WDR72: variants seen among roughly 807,000 people sequenced by gnomAD.
The protein encoded by WDR72 is WD repeat domain 72.
WDR72 carries 120 observed loss-of-function variants against 124.2 expected under a neutral mutation model. The ratio of observed to expected loss-of-function variants is 0.97; its 90% CI spans 0.83 to 1.12. WDR72 has a LOEUF of 1.12. WDR72 is among the 50% of genes most tolerant of loss of function. WDR72 has a pLI of 0.00. For missense variants in WDR72, 1,387 were observed against 1,278.8 expected, an observed-to-expected ratio of 1.08 and a Z score of -1.29; for synonymous variants, 452 against 441.7, an observed-to-expected ratio of 1.02 and a Z score of -0.29.
At chr15:53,646,377 G>A (rs1377816301) in intron 14 of WDR72, among the ~76,000 whole-genome samples, 1 of 152,006 alleles carries the variant, frequency 6.6e-6, no homozygotes, top group Non-Finnish European at 1.5e-5. Context: ...CTAAATTTCT[G>A]TGGTGCAGAT....
chr15:53,674,320 C>T (rs2016091746), intron 13 of WDR72, among the ~76,000 whole-genome samples: 2 of 152,138 alleles, frequency 1.3e-5, no homozygotes, highest in Non-Finnish European at 2.9e-5. Context: ...AATCAAATTC[C>T]ACAAATCAAA....
intron 13 of WDR72, among the ~76,000 whole-genome samples, chr15:53,690,136 C>T (rs969356742): frequency 3.3e-5 from 5 of 151,300 alleles, no homozygotes; most frequent in African/African-American, 1.2e-4. Context: ...TTAGTGGGTG[C>T]AGCGCACCAG....
Position 53,515,897 on chromosome 15 carries a change from A to G in WDR72, c.*1802T>C, listed in dbSNP as rs1891435255. ...AAACATATCATAACCTGAGCGTCCA[A>G]ATAGATTTTAACAATTAAAAATGCC... On this transcript the variant is annotated 3_prime_UTR_variant, in exon 20 of 20. Coordinates refer to ENST00000360509, the MANE Select transcript of WDR72 (RefSeq NM_182758.4). 6.6e-6 allele frequency: 1 copy of G among 152,172 alleles called. No individual in the cohort carries two copies. Among genetic ancestry groups the G allele is most frequent in the Non-Finnish European group, 1.5e-5 (1 of 68,010 alleles). 9.4% of individuals were successfully genotyped at this position (152,172 alleles called of 1,614,324 possible).
intron 18 of WDR72, among the ~76,000 whole-genome samples, chr15:53,583,842 A>C (rs1441145112): frequency 2.6e-5 from 4 of 152,054 alleles, no homozygotes; most frequent in Non-Finnish European, 2.9e-5. Context: ...AGATGGCTTG[A>C]AGAGATGGAT....
intron 13 of WDR72, among the ~76,000 whole-genome samples, chr15:53,674,131 T>C (rs141846730): frequency 5.8e-4 from 89 of 152,290 alleles, no homozygotes; most frequent in African/African-American, 2.1e-3. Context: ...GTCTTTTCCA[T>C]ATTGGGTAGG....
intron 13 of WDR72, among the ~76,000 whole-genome samples, chr15:53,673,460 C>T (rs942660762): frequency 2.0e-5 from 3 of 152,112 alleles, no homozygotes; most frequent in Non-Finnish European, 4.4e-5. Context: ...TAAAATTATA[C>T]ATAAATACAT....
chr15:53,548,532 C>T (rs562766289), intron 18 of WDR72, among the ~76,000 whole-genome samples: 1 of 152,130 alleles, frequency 6.6e-6, no homozygotes, highest in African/African-American at 2.4e-5. Flanking sequence ...TTGATAAGCT[C>T]CATTTACTAA....
chr15:53,535,359 T>C (rs1172665281), intron 18 of WDR72, among the ~76,000 whole-genome samples: 1 of 152,196 alleles, frequency 6.6e-6, no homozygotes, highest in Non-Finnish European at 1.5e-5. Context: ...CTATTTCCCA[T>C]GCTGGGTATC....
intron 13 of WDR72, among the ~76,000 whole-genome samples, chr15:53,689,010 A>G (rs1330503650): frequency 6.6e-6 from 1 of 152,248 alleles, no homozygotes; most frequent in African/African-American, 2.4e-5. Context: ...TTGGCTAGCC[A>G]TATGTAGAAA....
chr15:53,696,382 A>T (rs140899026), intron 13 of WDR72, among the ~76,000 whole-genome samples: 1 of 152,306 alleles, frequency 6.6e-6, no homozygotes, highest in East Asian at 1.9e-4. Flanking sequence ...GCAGAAAGCT[A>T]AGGACCTGCT....
In WDR72 at chr15:53,705,219, C is replaced by A; in HGVS notation, c.1117G>T (p.Ala373Ser). The part of the protein sequence containing the change: ...DGSPREIPVT[A>S]TWTLQDNFDK... ...AAATTATCTTGAAGAGTCCAGGTGG[C>A]AGTTACTGGTATCTCTAAAAAGAAA... Residue 373 changes from alanine (A) to serine (S), a missense_variant, in exon 11 of 20, where the codon GCC (alanine) becomes TCC (serine). Physicochemically the swap from Ala to Ser is moderately conservative, Grantham distance 99 (BLOSUM62 1). Coordinates refer to ENST00000360509, the MANE Select transcript of WDR72 (RefSeq NM_182758.4). 1 of 1,613,314 alleles carries A rather than the reference C, an allele frequency of 6.2e-7. No homozygotes were observed. The highest frequency in any genetic ancestry group is 8.5e-7 in the Non-Finnish European group (1 of 1,179,970).
At chr15:53,726,869 A>G (rs1328773147) in intron 2 of WDR72, among the ~76,000 whole-genome samples, 1 of 151,488 alleles carries the variant, frequency 6.6e-6, no homozygotes, top group East Asian at 1.9e-4. Flanking sequence ...CCCAATTTTA[A>G]AAATATGACA....
In WDR72 at chr15:53,673,125, A is replaced by AAAAAG. The variant is rs137863835; in HGVS notation, c.1766-7362_1766-7358dup. The stretch of plus-strand genomic sequence containing the variant: ...GGGTGACAGAATAAGACTGTCTCAA[A>AAAAAG]AAAAGAAAAGAAAAGAAAAGAAAAG... On this transcript the variant is annotated intron_variant, in intron 13 of 19. Transcript: ENST00000360509. 9.9e-5 allele frequency among the ~76,000 whole-genome samples: 15 copies of AAAAAG among 152,022 alleles called. 1 individual carries two copies. Among genetic ancestry groups the AAAAAG allele is most frequent in the South Asian group, 2.1e-4 (1 of 4,828 alleles).
At chr15:53,547,736 G>A (rs1434041338) in intron 18 of WDR72, among the ~76,000 whole-genome samples, 1 of 152,112 alleles carries the variant, frequency 6.6e-6, no homozygotes, top group Non-Finnish European at 1.5e-5. Context: ...GACCTCAGAA[G>A]AGATTAATTG....
chr15:53,760,012 C>A (rs1039622049), upstream of WDR72, among the ~76,000 whole-genome samples: 1 of 60,938 alleles, frequency 1.6e-5, no homozygotes, highest in Non-Finnish European at 3.3e-5. Context: ...GATGAGGCCT[C>A]AACCTTTTTT....
In WDR72 at chr15:53,756,225, G is replaced by A. The variant is rs145886433; in HGVS notation, c.-13+3408C>T. ...GCTGTTCTCGTGATAGTAAGGTCTC[G>A]CGAGATCTGATGGTTTCATAAGGGG... On this transcript the variant is annotated intron_variant, in intron 1 of 19. Coordinates refer to ENST00000360509, the MANE Select transcript of WDR72 (RefSeq NM_182758.4). Among the ~76,000 whole-genome samples, 1,276 of 152,206 alleles carry A rather than the reference G, an allele frequency of 8.4e-3. 16 individuals are homozygous for A. The highest frequency in any genetic ancestry group is 0.028 in the African/African-American group (1,175 of 41,526).
intron 18 of WDR72, among the ~76,000 whole-genome samples, chr15:53,569,701 T>A (rs1309656043): frequency 6.6e-6 from 1 of 152,048 alleles, no homozygotes; most frequent in Non-Finnish European, 1.5e-5. Context: ...TACTTCTAAT[T>A]AAGTCTTCTC....
chr15:53,647,872 C>A (rs1804640066), intron 14 of WDR72, among the ~76,000 whole-genome samples: 1 of 152,068 alleles, frequency 6.6e-6, no homozygotes, highest in South Asian at 2.1e-4. Flanking sequence ...GTGACTGATT[C>A]AATGTCATAT....
chr15:53,724,827 C>T (rs917654684), intron 2 of WDR72, among the ~76,000 whole-genome samples: 1 of 152,108 alleles, frequency 6.6e-6, no homozygotes, highest in Non-Finnish European at 1.5e-5. Context: ...TTAATTACAG[C>T]TCATTAAAGT....
Sources: gnomAD v4.1 joint callset for allele counts (sites outside exome capture counted in the v4.1 genomes callset) on GRCh38, gnomAD v4.1.1 for gene constraint, MANE v1.5 for transcripts, NCBI Gene and HGNC (gene_info 2026-07-23, HGNC 2026-07-21) for gene names.